CPQ: variants seen among roughly 807,000 people sequenced by gnomAD.
CPQ encodes Ser-Met dipeptidase.
CPQ carries 37 observed loss-of-function variants against 45.7 expected under a neutral mutation model. That is an observed-to-expected ratio of 0.81 (90% CI 0.62 to 1.07). The LOEUF is 1.07. Among genes scored for constraint, CPQ ranks in the 50% least tolerant of loss-of-function variants. CPQ has a pLI of 0.00. For synonymous variants in CPQ, 186 were observed against 205.8 expected (o/e 0.90, Z 0.82); for missense variants, 537 against 572.9 (o/e 0.94, Z 0.64).
At chr8:97,123,421 T>A (rs555366784) in intron 7 of CPQ, among the ~76,000 whole-genome samples, 1 of 151,064 alleles carries the variant, frequency 6.6e-6, no homozygotes, top group Non-Finnish European at 1.5e-5. Context: ...AGTGGAAGTA[T>A]ACTATTGTAG....
chr8:97,083,214 G>A (rs1467779448), intron 7 of CPQ, among the ~76,000 whole-genome samples: 1 of 152,204 alleles, frequency 6.6e-6, no homozygotes, highest in African/African-American at 2.4e-5. Context: ...CATTAAATAA[G>A]TGGTTTTCCA....
At position 96,880,572 on chromosome 8, in the gene CPQ, T is replaced by C. The variant is rs112558252; in HGVS notation, c.849+567T>C. Among the ~76,000 whole-genome samples the C allele has an allele frequency of 4.8e-3, 327 of 67,506 alleles. 21 individuals carry two copies. Among genetic ancestry groups the C allele is most frequent in the Non-Finnish European group, 6.7e-3 (224 of 33,210 alleles). 44.3% of individuals were successfully genotyped at this position (67,506 alleles called of 152,430 possible). ...ATATATATATATATATATATATATA[T>C]ATATACCATGGAATACTACCCAGCC... On this transcript the variant is annotated intron_variant, in intron 4 of 7. Transcript: ENST00000220763.
intron 2 of CPQ, among the ~76,000 whole-genome samples, chr8:96,825,542 G>T (rs976105440): frequency 6.6e-6 from 1 of 151,976 alleles, no homozygotes; most frequent in Non-Finnish European, 1.5e-5. Flanking sequence ...GCTTTTAATT[G>T]TAACAGAATT....
rs565858817 is a variant in CPQ at position 96,983,859 on chromosome 8, C to T, written c.961+17813C>T. 4.7e-5 allele frequency among the ~76,000 whole-genome samples: 7 copies of T among 149,860 alleles called. No homozygotes were observed. In the South Asian group the frequency reaches 6.3e-4, roughly 14 times the overall value. ...TTTTTTTTTACTATTCCTTTTCTGA[C>T]TTACCTCGGTTGTTGTGTTTTAGTT... On this transcript the variant is annotated intron_variant, in intron 5 of 7. Coordinates refer to ENST00000220763, the MANE Select transcript of CPQ (RefSeq NM_016134.4).
chr8:96,679,430 G>A (rs993292643), intron 1 of CPQ, among the ~76,000 whole-genome samples: 1 of 151,862 alleles, frequency 6.6e-6, no homozygotes, highest in Non-Finnish European at 1.5e-5. Context: ...GGTAATTTTG[G>A]CCTCATAGAA....
At chr8:96,815,421 G>A (rs929553051) in intron 2 of CPQ, among the ~76,000 whole-genome samples, 6 of 151,934 alleles carry the variant, frequency 3.9e-5, no homozygotes, top group Admixed American at 6.6e-5. Context: ...GAGCTTAAGC[G>A]ATTTGCCAAA....
At chr8:96,928,027 G>A (rs1812915784) in intron 4 of CPQ, among the ~76,000 whole-genome samples, 1 of 152,144 alleles carries the variant, frequency 6.6e-6, no homozygotes, top group Non-Finnish European at 1.5e-5. Context: ...GCAGACACAA[G>A]CACTGAAAAT....
intron 3 of CPQ, among the ~76,000 whole-genome samples, chr8:96,859,963 G>C (rs188210208): frequency 1.5e-4 from 23 of 152,252 alleles, no homozygotes; most frequent in African/African-American, 5.3e-4. Flanking sequence ...TTACCAAATT[G>C]TTCTCCAAAA....
At chr8:96,760,130 G>A (rs1481243711) in intron 1 of CPQ, among the ~76,000 whole-genome samples, 1 of 152,172 alleles carries the variant, frequency 6.6e-6, no homozygotes, top group Non-Finnish European at 1.5e-5. Flanking sequence ...CATAAAGGCT[G>A]TTCCAGTTCT....
intron 6 of CPQ, 101 bp downstream of exon 6, chr8:97,029,595 G>A (rs1024797675): frequency 2.7e-6 from 3 of 1,104,056 alleles, no homozygotes; most frequent in Non-Finnish European, 4.0e-6. Context: ...CTGGTCAACT[G>A]GCCCTAGGAA....
intron 6 of CPQ, among the ~76,000 whole-genome samples, chr8:97,032,759 T>C (rs1455669649): frequency 6.6e-6 from 1 of 152,006 alleles, no homozygotes; most frequent in Non-Finnish European, 1.5e-5. Flanking sequence ...AGAAAAGGAG[T>C]CACAGTCTTT....
chr8:96,886,245 GA>G (rs1475141054), intron 4 of CPQ, among the ~76,000 whole-genome samples: 2 of 152,104 alleles, frequency 1.3e-5, no homozygotes, highest in Admixed American at 1.3e-4. Context: ...CAGTCCTCTG[GA>G]AGCTCTGACA....
chr8:96,792,583 T>C (rs561253836), intron 2 of CPQ, among the ~76,000 whole-genome samples: 1 of 152,314 alleles, frequency 6.6e-6, no homozygotes, highest in African/African-American at 2.4e-5. Context: ...TGTTTTATTG[T>C]ATGTTTTATA....
intron 1 of CPQ, among the ~76,000 whole-genome samples, chr8:96,691,597 A>G (rs1051941467): frequency 1.3e-5 from 2 of 152,172 alleles, no homozygotes; most frequent in African/African-American, 4.8e-5. Flanking sequence ...TCTTTTCCTT[A>G]AAATGTTTAT....
chr8:96,809,977 T>A (rs1811141042), intron 2 of CPQ, among the ~76,000 whole-genome samples: 1 of 152,162 alleles, frequency 6.6e-6, no homozygotes, highest in Non-Finnish European at 1.5e-5. Context: ...ATACACACCT[T>A]ACTGTTTCTC....
chr8:97,062,555 A>G (rs1325520844), intron 6 of CPQ, among the ~76,000 whole-genome samples: 1 of 152,140 alleles, frequency 6.6e-6, no homozygotes, highest in Non-Finnish European at 1.5e-5. Context: ...TTTGTTGTAC[A>G]GATTATTTTC....
rs113039597 is a variant in CPQ at position 96,829,039 on chromosome 8, G to A, written c.434-5934G>A. ...CATTTCATGTTGAATTGAACATAAT[G>A]GGCCTGTGATAGGCACCTCTCCACA... On this transcript the variant is annotated intron_variant, in intron 2 of 7. Transcript: ENST00000220763. 2.1e-3 allele frequency among the ~76,000 whole-genome samples: 317 copies of A among 152,118 alleles called. 2 individuals carry two copies. Among genetic ancestry groups the A allele is most frequent in the African/African-American group, 7.4e-3 (309 of 41,508 alleles).
intron 1 of CPQ, among the ~76,000 whole-genome samples, chr8:96,720,957 G>A (rs62507277): frequency 6.6e-6 from 1 of 151,672 alleles, no homozygotes; most frequent in African/African-American, 2.4e-5. Context: ...AGGTGTTCAT[G>A]GGTTTTTTTT....
chr8:97,035,569 T>A (rs548375793), intron 6 of CPQ, among the ~76,000 whole-genome samples: 1 of 152,330 alleles, frequency 6.6e-6, no homozygotes, highest in Non-Finnish European at 1.5e-5. Context: ...ATAGGTGTTA[T>A]GTGTTTATAT....
Sources: allele counts gnomAD v4.1 joint callset (sites outside exome capture counted in the v4.1 genomes callset), GRCh38; gene constraint gnomAD v4.1.1; transcripts MANE v1.5; gene names NCBI Gene and HGNC (gene_info 2026-07-23, HGNC 2026-07-21).